Variants in ABHD6 observed in about 807,000 individuals in gnomAD.
The protein encoded by ABHD6 is monoacylglycerol lipase ABHD6.
ABHD6 carries 33 observed loss-of-function variants against 38.8 expected under a neutral mutation model. The observed-to-expected ratio is 0.85, with a 90% CI of 0.64 to 1.14. The LOEUF is 1.14. Among genes scored for constraint, ABHD6 ranks in the 50% most tolerant of loss-of-function variants. The pLI is 0.00. For missense variants in ABHD6, 380 were observed against 422.6 expected, an observed-to-expected ratio of 0.90 and a Z score of 0.88; for synonymous variants, 147 against 161.6, an observed-to-expected ratio of 0.91 and a Z score of 0.69.
At chr3:58,248,354 C>T (rs1045108394) in intron 1 of ABHD6, among the ~76,000 whole-genome samples, 19 of 152,212 alleles carry the variant, frequency 1.2e-4, no homozygotes, top group African/African-American at 3.1e-4. Context: ...AATACTCTTA[C>T]GCAAACGTTT....
chr3:58,245,314 C>G (rs1318692786), intron 1 of ABHD6, among the ~76,000 whole-genome samples: 1 of 152,136 alleles, frequency 6.6e-6, no homozygotes, highest in Non-Finnish European at 1.5e-5. Context: ...ACTGAGATGC[C>G]TGCCACCATA....
rs963769745 is a variant in ABHD6 at position 58,294,002 on chromosome 3, G to A, written c.*237G>A. The A allele has an allele frequency of 2.8e-5, 11 of 397,648 alleles. No homozygotes were observed. The highest frequency in any genetic ancestry group is 2.2e-4 in the African/African-American group (11 of 49,300). The allele number at this position is 397,648 out of a possible 1,614,324, so 24.6% of individuals were successfully genotyped here. A position where few individuals can be genotyped will look rare whatever the true frequency, so the allele number is the denominator to read the frequency against. On this transcript the variant is annotated 3_prime_UTR_variant, in exon 10 of 10. Coordinates refer to ENST00000478253, the MANE Select transcript of ABHD6 (RefSeq NM_001320126.2). ...ATATGGAACAAAATAAGAAACCCCA[G>A]CCATGAAATCTACCATGAAGTCTTC... is the stretch of plus-strand genomic sequence containing the variant.
At chr3:58,252,236 T>TTTTTG (rs976021765) in intron 2 of ABHD6, among the ~76,000 whole-genome samples, 3 of 141,792 alleles carry the variant, frequency 2.1e-5, no homozygotes, top group African/African-American at 8.2e-5. Flanking sequence ...CTTGTTTTTT[T>TTTTTG]TTTTTTTTTT....
rs759486956 is a variant in ABHD6 at position 58,274,824 on chromosome 3, G to A, written c.681+9G>A. ...TCAAGGTGCCCCAGCAGGTAACGTG[G>A]TTGCAGCAGCGACACAACTACCCTC... On this transcript the variant is annotated intron_variant, in intron 7 of 9. Transcript: ENST00000478253. 7 of 1,611,996 alleles carry A rather than the reference G, an allele frequency of 4.3e-6. No homozygotes were observed. The South Asian group carries it at 7.7e-5, about 18-fold the overall frequency.
intron 3 of ABHD6, among the ~76,000 whole-genome samples, chr3:58,262,662 T>C (rs1313896760): frequency 6.6e-6 from 1 of 152,268 alleles, no homozygotes; most frequent in Non-Finnish European, 1.5e-5. Context: ...TCTATTATCA[T>C]TAAACCAAAG....
At chr3:58,292,793 T>C (rs2097464171) in intron 9 of ABHD6, among the ~76,000 whole-genome samples, 1 of 152,160 alleles carries the variant, frequency 6.6e-6, no homozygotes, top group Admixed American at 6.5e-5. Flanking sequence ...GGCGGGCACC[T>C]ATAATCCCAG....
intron 2 of ABHD6, among the ~76,000 whole-genome samples, chr3:58,252,790 A>G (rs1206338178): frequency 6.6e-6 from 1 of 152,194 alleles, no homozygotes; most frequent in African/African-American, 2.4e-5. Context: ...TTCTGCCTCC[A>G]GCCTCTCCCT....
chr3:58,244,329 T>C (rs1261773550), intron 1 of ABHD6, among the ~76,000 whole-genome samples: 2 of 152,198 alleles, frequency 1.3e-5, no homozygotes, highest in East Asian at 3.9e-4. Context: ...AATCAAACAA[T>C]TGAGAGGCCC....
At chr3:58,288,885 G>GT (rs949744098) in intron 9 of ABHD6, among the ~76,000 whole-genome samples, 7 of 151,976 alleles carry the variant, frequency 4.6e-5, no homozygotes, top group Admixed American at 3.3e-4. Context: ...TTCCATTAAT[G>GT]TTTTTTTTAA....
At position 58,273,917 on chromosome 3, in the gene ABHD6, C is replaced by T. The variant is rs1160220628; in HGVS notation, c.524-741C>T. 6.6e-6 allele frequency among the ~76,000 whole-genome samples: 1 copy of T among 152,186 alleles called. No individual in the cohort carries two copies. The highest frequency in any genetic ancestry group is 1.9e-4 in the East Asian group (1 of 5,194). On this transcript the variant is annotated intron_variant, in intron 6 of 9. Transcript: ENST00000478253. This position sits in a 1 kb window ranked among gnomAD's most constrained non-coding sequence, Gnocchi z 4.8. The stretch of plus-strand genomic sequence containing the variant: ...AAGAAAAAAAAATCTAATTATTTGG[C>T]TAAGCTAAATGCCTAGAAATTTGCT...
At position 58,251,396 on chromosome 3, in the gene ABHD6, A is replaced by G. The variant is rs1014278437; in HGVS notation, c.-26+1454A>G. Among the ~76,000 whole-genome samples the G allele has an allele frequency of 6.6e-6, 1 of 152,144 alleles. No homozygotes were observed. Among genetic ancestry groups the G allele is most frequent in the Admixed American group, 6.6e-5 (1 of 15,260 alleles). ...AGAGATGTGTCTATGAGATTCTATGAAAGTGTTTTACGTTGTTTATTCTTG... is the reference window on the plus strand; with the variant it reads ...AGAGATGTGTCTATGAGATTCTATGGAAGTGTTTTACGTTGTTTATTCTTG... On this transcript the variant is annotated intron_variant, in intron 2 of 9. Coordinates refer to ENST00000478253, the MANE Select transcript of ABHD6 (RefSeq NM_001320126.2). This position sits in a 1 kb window ranked among gnomAD's most constrained non-coding sequence, Gnocchi z 5.4.
intron 1 of ABHD6, among the ~76,000 whole-genome samples, chr3:58,241,877 C>G (rs1025288905): frequency 6.6e-6 from 1 of 152,162 alleles, no homozygotes; most frequent in African/African-American, 2.4e-5. Flanking sequence ...CATTTCATCC[C>G]CACACTGAGG....
chr3:58,286,251 C>A (rs35901991), intron 9 of ABHD6, among the ~76,000 whole-genome samples: 41 of 151,886 alleles, frequency 2.7e-4, no homozygotes, highest in African/African-American at 9.2e-4. Context: ...GATCTCCTGA[C>A]GTCATGATCT....
At chr3:58,264,860 T>G (rs1400587132) in intron 3 of ABHD6, among the ~76,000 whole-genome samples, 2 of 152,200 alleles carry the variant, frequency 1.3e-5, no homozygotes, top group African/African-American at 4.8e-5. Flanking sequence ...TCATGGAGAA[T>G]GGGGTATCCA....
intron 9 of ABHD6, among the ~76,000 whole-genome samples, chr3:58,292,613 G>A (rs1409280668): frequency 6.6e-6 from 1 of 152,130 alleles, no homozygotes. Flanking sequence ...GGGATCCCCA[G>A]AGGACCTTCA....
rs1379142946 is a variant in ABHD6, at chr3:58,266,401, C to T, written c.120-788C>T. ...GGAGGTTGCAGTGAGCGGAAATTGC[C>T]CCAGCGTGGGTGACAGAGCGAGACT... On this transcript the variant is annotated intron_variant, in intron 3 of 9. Coordinates refer to ENST00000478253, the MANE Select transcript of ABHD6 (RefSeq NM_001320126.2). The surrounding 1 kb of genome is among the most constrained non-coding windows in gnomAD (Gnocchi z 4.0). 6.6e-6 allele frequency among the ~76,000 whole-genome samples: 1 copy of T among 151,614 alleles called. No individual in the cohort carries two copies. Among genetic ancestry groups the T allele is most frequent in the Non-Finnish European group, 1.5e-5 (1 of 67,934 alleles).
Position 58,263,314 on chromosome 3 carries a change from C to T in ABHD6, c.120-3875C>T, listed in dbSNP as rs150927159. Among the ~76,000 whole-genome samples the T allele has an allele frequency of 0.03, 4,541 of 151,492 alleles. 104 individuals are homozygous for T. Among genetic ancestry groups the T allele is most frequent in the Non-Finnish European group, 0.045 (3,080 of 67,926 alleles). On this transcript the variant is annotated intron_variant, in intron 3 of 9. Coordinates refer to ENST00000478253, the MANE Select transcript of ABHD6 (RefSeq NM_001320126.2). The surrounding 1 kb of genome is among the most constrained non-coding windows in gnomAD (Gnocchi z 4.9). ...CTGAGGCGGGAGAATCACTTGAACC[C>T]GGGAGGTGGAGGTTGCAGTGAACTG...
At chr3:58,239,949 A>G (rs2097421630) in intron 1 of ABHD6, among the ~76,000 whole-genome samples, 1 of 151,476 alleles carries the variant, frequency 6.6e-6, no homozygotes, top group South Asian at 2.1e-4. Flanking sequence ...CAGGAGTTCA[A>G]GACTAGCCTG....
In ABHD6 at chr3:58,290,288, C is replaced by T. The variant is rs1429080312; in HGVS notation, c.838-3301C>T. 4.1e-5 allele frequency among the ~76,000 whole-genome samples: 5 copies of T among 121,134 alleles called. No individual in the cohort carries two copies. In the East Asian group the frequency reaches 8.7e-4, roughly 21 times the overall value. The allele number at this position is 121,134 out of a possible 152,430, so 79.5% of individuals were successfully genotyped here. ...CTCCCAGACGGGGCGGCTGGCCGGG[C>T]GGGGGGCTGACCCCCCCCACCTCCC... On this transcript the variant is annotated intron_variant, in intron 9 of 9. Transcript: ENST00000478253.
Sources: gnomAD v4.1 joint callset for allele counts (sites outside exome capture counted in the v4.1 genomes callset) on GRCh38, gnomAD v4.1.1 for gene constraint, Gnocchi (gnomAD v3.1) non-coding constraint, MANE v1.5 for transcripts, NCBI Gene and HGNC (gene_info 2026-07-23, HGNC 2026-07-21) for gene names.